Variants in SYNE2 observed in about 807,000 individuals in gnomAD.
SYNE2 encodes the protein nesprin-2.
Under a neutral mutation model 856.3 loss-of-function variants are expected in SYNE2, and 431 were observed. That is an observed-to-expected ratio of 0.50 (90% CI 0.47 to 0.55). The LOEUF is 0.55. Among genes scored for constraint, SYNE2 ranks in the 20% least tolerant of loss-of-function variants. The pLI, the probability that SYNE2 is intolerant of heterozygous loss-of-function variation, is 0.00. For synonymous variants in SYNE2, 2,923 were observed against 2,872.3 expected (o/e 1.02, Z -0.56); for missense variants, 8,129 against 8,023.2 (o/e 1.01, Z -0.50).
rs1350326911 is a variant in SYNE2, at chr14:64,142,037, G to A, written c.15255G>A (p.Val5085=). 2 of 1,614,088 alleles carry A rather than the reference G, an allele frequency of 1.2e-6. No homozygotes were observed. The highest frequency in any genetic ancestry group is 1.7e-6 in the Non-Finnish European group (2 of 1,179,990). The change falls in exon 82 of 116, where the codon GTG becomes GTA. Residue 5085 remains valine (V), a synonymous_variant. Transcript: ENST00000555002. ...ATCAAACTTCAGATGAAGACTCCGT[G>A]CATTCACCAAGTTCTGCATCTCAAG... The part of the protein sequence containing the change: ...VEHQTSDEDS[V]HSPSSASQVK...
At position 64,003,038 on chromosome 14, in the gene SYNE2, C is replaced by T; in HGVS notation, c.4105C>T (p.Leu1369=). ...TVKNKEGEIH[L]MKDKAKHLDK... ...AAAAAATAAAGAGGGAGAAATTCAT[C>T]TGATGAAAGACAAGGCCAAACATTT... The change falls in exon 30 of 116, where the codon CTG becomes TTG. Residue 1369 remains leucine (L), a synonymous_variant. Transcript: ENST00000555002. 6.2e-7 allele frequency: 1 copy of T among 1,614,130 alleles called. No homozygotes were observed. The highest frequency in any genetic ancestry group is 8.5e-7 in the Non-Finnish European group (1 of 1,180,008).
intron 1 of SYNE2, among the ~76,000 whole-genome samples, chr14:63,875,062 G>T (rs933879506): frequency 6.6e-6 from 1 of 151,388 alleles, no homozygotes; most frequent in East Asian, 1.9e-4. Flanking sequence ...TTTTTAAATG[G>T]GGTGTTGCTA....
chr14:63,864,747 G>A (rs1477399842), intron 1 of SYNE2, among the ~76,000 whole-genome samples: 4 of 152,012 alleles, frequency 2.6e-5, no homozygotes. Context: ...TGGGAGTGGG[G>A]GTAAAAAAGG....
chr14:63,887,291 T>A (rs970011123), intron 1 of SYNE2, among the ~76,000 whole-genome samples: 2 of 151,236 alleles, frequency 1.3e-5, no homozygotes, highest in Non-Finnish European at 2.9e-5. Flanking sequence ...AAAAAAAAAA[T>A]AGAATTTGTA....
chr14:63,964,247 G>A (rs920946299), intron 10 of SYNE2, among the ~76,000 whole-genome samples: 2 of 152,200 alleles, frequency 1.3e-5, no homozygotes, highest in South Asian at 2.1e-4. Flanking sequence ...TTTCTAACAA[G>A]GTCTCAGGTG....
intron 2 of SYNE2, among the ~76,000 whole-genome samples, chr14:63,931,520 A>T (rs561615953): frequency 6.6e-6 from 1 of 151,236 alleles, no homozygotes; most frequent in East Asian, 1.9e-4. Flanking sequence ...ATTACACTCC[A>T]GCCTGGGCTA....
intron 6 of SYNE2, among the ~76,000 whole-genome samples, chr14:63,948,730 A>ATATGTATATATATATG (rs1566883104): frequency 1.1e-5 from 1 of 88,890 alleles, no homozygotes; most frequent in Non-Finnish European, 2.5e-5. Context: ...GTGTATATAT[A>ATATGTATATATATATG]TGTGTATAGA....
intron 1 of SYNE2, among the ~76,000 whole-genome samples, chr14:63,834,548 G>T (rs373600391): frequency 6.6e-6 from 1 of 151,768 alleles, no homozygotes; most frequent in East Asian, 1.9e-4. Context: ...GGCTGGTCTC[G>T]AACTCCTGGC....
chr14:63,781,073 T>C (rs190466731), intron 1 of SYNE2, among the ~76,000 whole-genome samples: 9 of 152,256 alleles, frequency 5.9e-5, no homozygotes, highest in African/African-American at 1.7e-4. Context: ...GGTCAGGAAT[T>C]CGAGACCAGC....
intron 2 of SYNE2, among the ~76,000 whole-genome samples, chr14:63,913,363 C>A (rs12888489): frequency 0.093 from 14,158 of 152,024 alleles, 760 homozygotes; most frequent in African/African-American, 0.14. Flanking sequence ...TTCTATAAAA[C>A]TGGAATTCAT....
At chr14:63,976,247 A>G (rs181775024) in intron 11 of SYNE2, among the ~76,000 whole-genome samples, 36 of 152,342 alleles carry the variant, frequency 2.4e-4, no homozygotes, top group African/African-American at 7.2e-4. Context: ...AGGTTAGTCT[A>G]TCCTTGCTTA....
intron 1 of SYNE2, among the ~76,000 whole-genome samples, chr14:63,801,535 T>C (rs1194034230): frequency 1.3e-5 from 2 of 151,938 alleles, no homozygotes; most frequent in Non-Finnish European, 2.9e-5. Flanking sequence ...CAAAATTAGC[T>C]GGGCATGGTG....
chr14:64,030,978 A>G, intron 44 of SYNE2, 38 bp from the exon 45 acceptor site: 1 of 1,476,042 alleles, frequency 6.8e-7, no homozygotes, highest in Admixed American at 1.7e-5. Flanking sequence ...TTTTGTGGCA[A>G]TTGAATGGAG....
At chr14:64,167,747 A>T (rs979319513) in intron 92 of SYNE2, 108 bp downstream of exon 92, 11 of 1,471,488 alleles carry the variant, frequency 7.5e-6, no homozygotes, top group Non-Finnish European at 1.0e-5. Context: ...CCCTAAACAC[A>T]GAATGTATAC....
rs1173423634 is a variant in SYNE2 at position 63,815,174 on chromosome 14, ATATATC to A, written c.-304-37326_-304-37321del. Among the ~76,000 whole-genome samples the A allele has an allele frequency of 1.3e-3, 83 of 63,760 alleles. 4 individuals carry two copies. Among genetic ancestry groups the A allele is most frequent in the African/African-American group, 6.6e-3 (79 of 12,042 alleles). The allele number at this position is 63,760 out of a possible 152,430, so 41.8% of individuals were successfully genotyped here. On this transcript the variant is annotated intron_variant, in intron 1 of 23. Coordinates refer to the SYNE2 transcript ENST00000674003. ...CATATATATCCATATATATCCACAT[ATATATC>A]CATATATATATCCATATATATATCC...
intron 1 of SYNE2, among the ~76,000 whole-genome samples, chr14:63,868,142 A>G (rs1474095169): frequency 6.6e-6 from 1 of 152,264 alleles, no homozygotes; most frequent in Non-Finnish European, 1.5e-5. Flanking sequence ...TGGTTTAGCA[A>G]CAAATGAGAT....
chr14:64,041,519 G>A (rs111548904), intron 45 of SYNE2, among the ~76,000 whole-genome samples: 42 of 152,218 alleles, frequency 2.8e-4, no homozygotes, highest in Admixed American at 1.4e-3. Flanking sequence ...AAAGCAGTTC[G>A]CAGAAGGCAG....
At position 64,190,060 on chromosome 14, in the gene SYNE2, G is replaced by T; in HGVS notation, c.17872-11G>T. The T allele has an allele frequency of 1.2e-6, 2 of 1,613,388 alleles. No individual in the cohort carries two copies. Among genetic ancestry groups the T allele is most frequent in the Non-Finnish European group, 1.7e-6 (2 of 1,179,852 alleles). ...AATTAGCCAGGCTTTATGTTTTGGT[G>T]CCTTTGCCAGGACTGCATGGAAGAA... On this transcript the variant is annotated splice_polypyrimidine_tract_variant and intron_variant, in intron 98 of 115. Coordinates refer to ENST00000555002, the MANE Select transcript of SYNE2 (RefSeq NM_182914.3).
chr14:64,022,210 C>T (rs2096940739), intron 37 of SYNE2, among the ~76,000 whole-genome samples, 182 bp downstream of exon 37: 1 of 152,140 alleles, frequency 6.6e-6, no homozygotes, highest in Non-Finnish European at 1.5e-5. Context: ...ATAAATAACA[C>T]CTAGTTCTTG....
Sources: allele counts gnomAD v4.1 joint callset (sites outside exome capture counted in the v4.1 genomes callset), GRCh38; gene constraint gnomAD v4.1.1; transcripts MANE v1.5; gene names NCBI Gene and HGNC (gene_info 2026-07-23, HGNC 2026-07-21).